Variants in AMER1 observed in about 807,000 individuals in gnomAD.
AMER1 encodes the protein RP11-403E24.2.
Under a neutral mutation model 53.0 loss-of-function variants are expected in AMER1, and 16 were observed. The ratio of observed to expected loss-of-function variants is 0.30; its 90% CI spans 0.20 to 0.46. The LOEUF is 0.46. Ranked by LOEUF, AMER1 falls within the 20% of genes least tolerant of loss-of-function variation. AMER1 has a pLI of 1.00. For synonymous variants in AMER1, 354 were observed against 331.9 expected (o/e 1.07, Z -0.73); for missense variants, 947 against 884.9 (o/e 1.07, Z -0.89).
At position 64,190,332 on chromosome X, in the gene AMER1, G is replaced by A. The variant is rs1443935705; in HGVS notation, c.2955C>T (p.Ser985=). ...AGGTTGCCTGCCTATATGGAGACTG[G>A]CTGGAAGGCCTGTCCAACTGGTTGG... ...ISPNQLDRPS[S]QSPYRQATCC... The change falls in exon 2 of 2, where the codon AGC becomes AGT. Residue 985 remains serine, a synonymous_variant. Transcript: ENST00000374869. 8.3e-7 allele frequency: 1 copy of A among 1,211,678 alleles called. No homozygotes were observed. The highest frequency in any genetic ancestry group is 2.2e-5 in the Admixed American group (1 of 46,079).
At chrX:64,198,289 C>T (rs988271083) in intron 1 of AMER1, among the ~76,000 whole-genome samples, 1 of 111,898 alleles carries the variant, frequency 8.9e-6, no homozygotes, top group Non-Finnish European at 1.9e-5. Flanking sequence ...AAATGCAAAT[C>T]AACAGATATC....
rs1930585640 is a variant in AMER1 at position 64,205,675 on chromosome X, C to G, written c.-204G>C. On this transcript the variant is annotated 5_prime_UTR_variant, in exon 1 of 2. Transcript: ENST00000374869. ...AGAGCGCCGCCACCGCAGCTGCTGC[C>G]GCCGTCGCCGCGGCTCCAGTCACCT... 2 of 112,159 alleles carry G rather than the reference C, an allele frequency of 1.8e-5. No homozygotes were observed. The highest frequency in any genetic ancestry group is 3.8e-5 in the Non-Finnish European group (2 of 53,333). 9.2% of individuals were successfully genotyped at this position (112,159 alleles called of 1,213,427 possible). A position where few individuals can be genotyped will look rare whatever the true frequency, so the allele number is the denominator to read the frequency against.
In AMER1 at chrX:64,186,555, T is replaced by A; in HGVS notation, c.*3324A>T. On this transcript the variant is annotated 3_prime_UTR_variant, in exon 2 of 2. Coordinates refer to ENST00000374869, the MANE Select transcript of AMER1 (RefSeq NM_152424.4). The stretch of plus-strand genomic sequence containing the variant: ...GCCTGGGGGCTGAGGGCAGGTGGGG[T>A]GGTGGCACTGGCACAGGTAAGGAAA... 1 of 777,692 alleles carries A rather than the reference T, an allele frequency of 1.3e-6. No homozygotes were observed. The highest frequency in any genetic ancestry group is 1.5e-6 in the Non-Finnish European group (1 of 653,845). The allele number at this position is 777,692 out of a possible 1,213,427, so 64.1% of individuals were successfully genotyped here. A position where few individuals can be genotyped will look rare whatever the true frequency, so the allele number is the denominator to read the frequency against.
chrX:64,186,772 G>A lies in AMER1; in HGVS notation c.*3107C>T. ...GGCTTGAACTGGGCCCCAAGGCAGT[G>A]CTTCCTTGGAGACTCTAAAGCACCA... On this transcript the variant is annotated 3_prime_UTR_variant, in exon 2 of 2. Coordinates refer to ENST00000374869, the MANE Select transcript of AMER1 (RefSeq NM_152424.4). The A allele has an allele frequency of 2.6e-6, 2 of 774,989 alleles. No individual in the cohort carries two copies. The highest frequency in any genetic ancestry group is 1.5e-6 in the Non-Finnish European group (1 of 651,248). The allele number at this position is 774,989 out of a possible 1,213,427, so 63.9% of individuals were successfully genotyped here.
At position 64,193,395 on chromosome X, in the gene AMER1, T is replaced by C; in HGVS notation, c.-98-11A>G. The C allele has an allele frequency of 1.8e-6, 2 of 1,109,987 alleles. No individual in the cohort carries two copies. Among genetic ancestry groups the C allele is most frequent in the East Asian group, 3.0e-5 (1 of 32,914 alleles). The allele number at this position is 1,109,987 out of a possible 1,213,427, so 91.5% of individuals were successfully genotyped here. On this transcript the variant is annotated splice_polypyrimidine_tract_variant and intron_variant, in intron 1 of 1. Transcript: ENST00000374869. ...GCATCACAGTGGGGTCTGGAGGAGA[T>C]AGGAGAGACAAAGACAGAGAGACAG...
Position 64,189,627 on chromosome X carries a change from G to C in AMER1, c.*252C>G. The C allele has an allele frequency of 1.0e-6, 1 of 965,278 alleles. No homozygotes were observed. The highest frequency in any genetic ancestry group is 1.3e-6 in the Non-Finnish European group (1 of 773,338). The allele number at this position is 965,278 out of a possible 1,213,427, so 79.5% of individuals were successfully genotyped here. A position where few individuals can be genotyped will look rare whatever the true frequency, so the allele number is the denominator to read the frequency against. ...CCAAACCCAGCGTGGGTCACAAGAAGAAACCTCGAAAGCAAAAACTGGAGT... is the reference window on the plus strand; with the variant it reads ...CCAAACCCAGCGTGGGTCACAAGAACAAACCTCGAAAGCAAAAACTGGAGT... On this transcript the variant is annotated 3_prime_UTR_variant, in exon 2 of 2. Transcript: ENST00000374869.
In AMER1 at chrX:64,186,930, A is replaced by T; in HGVS notation, c.*2949T>A. 1.3e-6 allele frequency: 1 copy of T among 774,572 alleles called. No homozygotes were observed. Among genetic ancestry groups the T allele is most frequent in the Non-Finnish European group, 1.5e-6 (1 of 650,903 alleles). The allele number at this position is 774,572 out of a possible 1,213,427, so 63.8% of individuals were successfully genotyped here. On this transcript the variant is annotated 3_prime_UTR_variant, in exon 2 of 2. Coordinates refer to ENST00000374869, the MANE Select transcript of AMER1 (RefSeq NM_152424.4). Reference sequence around the variant, plus strand: ...CTGTCTGGCACTAGGCCTATTGGGTAATAAGATGAAGGCAGCTACTTCCAC... The same window carrying T: ...CTGTCTGGCACTAGGCCTATTGGGTTATAAGATGAAGGCAGCTACTTCCAC...
rs1341304241 is a variant in AMER1 at position 64,187,312 on chromosome X, T to A, written c.*2567A>T. The A allele has an allele frequency of 5.1e-6, 4 of 789,166 alleles. No homozygotes were observed. Among genetic ancestry groups the A allele is most frequent in the African/African-American group, 2.2e-5 (1 of 44,794 alleles). 65.0% of individuals were successfully genotyped at this position (789,166 alleles called of 1,213,427 possible). A position where few individuals can be genotyped will look rare whatever the true frequency, so the allele number is the denominator to read the frequency against. Reference sequence around the variant, plus strand: ...ATCCTGGCTGCCCCACTTCAGGTGGTAAGGATCCTATTCCTGGGCTGGCTA... The same window carrying A: ...ATCCTGGCTGCCCCACTTCAGGTGGAAAGGATCCTATTCCTGGGCTGGCTA... On this transcript the variant is annotated 3_prime_UTR_variant, in exon 2 of 2. Coordinates refer to ENST00000374869, the MANE Select transcript of AMER1 (RefSeq NM_152424.4).
At chrX:64,194,755 A>G (rs1569192978) in intron 1 of AMER1, among the ~76,000 whole-genome samples, 1 of 111,028 alleles carries the variant, frequency 9.0e-6, no homozygotes, top group Non-Finnish European at 1.9e-5. Context: ...TAATAATAAG[A>G]CTCACACATT....
chrX:64,189,792 A>ATCGGGGGGGGG lies in AMER1; in HGVS notation c.*86_*87insCCCCCCCCCGA. 1.3e-6 allele frequency: 1 copy of ATCGGGGGGGGG among 746,979 alleles called. No individual in the cohort carries two copies. The highest frequency in any genetic ancestry group is 1.7e-6 in the Non-Finnish European group (1 of 590,434). 61.6% of individuals were successfully genotyped at this position (746,979 alleles called of 1,213,427 possible). A position where few individuals can be genotyped will look rare whatever the true frequency, so the allele number is the denominator to read the frequency against. ...CCAAAGGGTTTTCAAGTTAAACAAC[A>ATCGGGGGGGGG]ACCCCCACCCCCCCACCCTTCTGCC... is the stretch of plus-strand genomic sequence containing the variant. On this transcript the variant is annotated 3_prime_UTR_variant, in exon 2 of 2. Coordinates refer to ENST00000374869, the MANE Select transcript of AMER1 (RefSeq NM_152424.4).
Position 64,187,774 on chromosome X carries a change from GT to G in AMER1, c.*2104del. ...GCCCCACCATCCCAGAGCAGCTTTG[GT>G]AAGAGGCCAGAAAGTTGGAATTTGG... On this transcript the variant is annotated 3_prime_UTR_variant, in exon 2 of 2. Coordinates refer to ENST00000374869, the MANE Select transcript of AMER1 (RefSeq NM_152424.4). 3.9e-6 allele frequency: 3 copies of G among 776,617 alleles called. No individual in the cohort carries two copies. Among genetic ancestry groups the G allele is most frequent in the Non-Finnish European group, 3.1e-6 (2 of 652,111 alleles). The allele number at this position is 776,617 out of a possible 1,213,427, so 64.0% of individuals were successfully genotyped here. A position where few individuals can be genotyped will look rare whatever the true frequency, so the allele number is the denominator to read the frequency against.
In AMER1 at chrX:64,190,394, G is replaced by T. The variant is rs376943508; in HGVS notation, c.2893C>A (p.Pro965Thr). 5.4e-5 allele frequency: 65 copies of T among 1,210,405 alleles called. No homozygotes were observed. The highest frequency in any genetic ancestry group is 7.1e-5 in the Non-Finnish European group (64 of 895,128). ...GCAGGACCTGGCCCCACTGGAAGAG[G>T]ACAGGGAGCCCAAGCAGGCCAATCA... ...AYDWPAWAPC[P>T]LPVGPGPAWI... The change falls in exon 2 of 2, where the codon CCT (proline) becomes ACT (threonine). Residue 965 changes from proline (P) to threonine (T), a missense_variant. By Grantham distance (38) the Pro-to-Thr change is conservative. Coordinates refer to ENST00000374869, the MANE Select transcript of AMER1 (RefSeq NM_152424.4).
In AMER1 at chrX:64,186,019, A is replaced by C. The variant is rs1174086091; in HGVS notation, c.*3860T>G. ...AAGCACAAAACATAACGAGGAAAAAAAATAAGACACATGAGTACTCTCAGA... is the reference window on the plus strand; with the variant it reads ...AAGCACAAAACATAACGAGGAAAAACAATAAGACACATGAGTACTCTCAGA... On this transcript the variant is annotated 3_prime_UTR_variant, in exon 2 of 2. Coordinates refer to ENST00000374869, the MANE Select transcript of AMER1 (RefSeq NM_152424.4). 5.0e-6 allele frequency: 4 copies of C among 799,708 alleles called. No individual in the cohort carries two copies. Among genetic ancestry groups the C allele is most frequent in the Non-Finnish European group, 5.3e-6 (3 of 562,784 alleles). 65.9% of individuals were successfully genotyped at this position (799,708 alleles called of 1,213,427 possible).
At chrX:64,203,860 G>A (rs2086113480) in intron 1 of AMER1, among the ~76,000 whole-genome samples, 1 of 111,544 alleles carries the variant, frequency 9.0e-6, no homozygotes, top group Non-Finnish European at 1.9e-5. Context: ...TTTGTGTTGG[G>A]GCCTAATCAA....
Position 64,192,011 on chromosome X carries a change from GGTA to G in AMER1, c.1273_1275del (p.Tyr425del), listed in dbSNP as rs767111732. On this transcript the variant is annotated inframe_deletion, in exon 2 of 2. Transcript: ENST00000374869. ...TGGTGGCCTGGGGATGTGGTGGGAT[GGTA>G]GCCCAGGTTCATATTGGGCCGTGGA... 8.3e-7 allele frequency: 1 copy of G among 1,210,365 alleles called. No individual in the cohort carries two copies. The highest frequency in any genetic ancestry group is 1.7e-5 in the African/African-American group (1 of 57,263).
At chrX:64,202,085 G>A (rs1930498829) in intron 1 of AMER1, among the ~76,000 whole-genome samples, 1 of 112,156 alleles carries the variant, frequency 8.9e-6, no homozygotes, top group African/African-American at 3.2e-5. Context: ...TGATCCACCC[G>A]GCTAGGCCTC....
At position 64,189,792 on chromosome X, in the gene AMER1, A is replaced by AGGGGGGGGGGC; in HGVS notation, c.*86_*87insGCCCCCCCCCC. ...CCAAAGGGTTTTCAAGTTAAACAAC[A>AGGGGGGGGGGC]ACCCCCACCCCCCCACCCTTCTGCC... On this transcript the variant is annotated 3_prime_UTR_variant, in exon 2 of 2. Coordinates refer to ENST00000374869, the MANE Select transcript of AMER1 (RefSeq NM_152424.4). 1.3e-6 allele frequency: 1 copy of AGGGGGGGGGGC among 746,974 alleles called. No individual in the cohort carries two copies. Among genetic ancestry groups the AGGGGGGGGGGC allele is most frequent in the African/African-American group, 2.6e-5 (1 of 39,005 alleles). The allele number at this position is 746,974 out of a possible 1,213,427, so 61.6% of individuals were successfully genotyped here.
chrX:64,185,362 T>C lies in AMER1; in HGVS notation c.*4517A>G, dbSNP rs1171919506. 2 of 168,047 alleles carry C rather than the reference T, an allele frequency of 1.2e-5. No homozygotes were observed. Among genetic ancestry groups the C allele is most frequent in the Non-Finnish European group, 2.3e-5 (2 of 87,925 alleles). The allele number at this position is 168,047 out of a possible 1,213,427, so 13.8% of individuals were successfully genotyped here. The stretch of plus-strand genomic sequence containing the variant: ...AACTCTTACACCTGGGGTGATGATG[T>C]ACTGCAGTTCCTAATTTCTTCCCTC... On this transcript the variant is annotated 3_prime_UTR_variant, in exon 2 of 2. Transcript: ENST00000374869.
chrX:64,190,459 T>C lies in AMER1; in HGVS notation c.2828A>G (p.Asp943Gly), dbSNP rs201073415. The change falls in exon 2 of 2, where the codon GAC becomes GGC. Residue 943 changes from aspartate (D) to glycine (G), a missense_variant. Transcript: ENST00000374869. ...EEEEEGEWSRDSPLSLYTEPP... is the reference protein window; with the variant it reads ...EEEEEGEWSRGSPLSLYTEPP... ...TTCAGTATAGAGGGAAAGGGGACTG[T>C]CTCGGCTCCATTCTCCTTCTTCCTC... 5 of 1,211,867 alleles carry C rather than the reference T, an allele frequency of 4.1e-6. No homozygotes were observed. The highest frequency in any genetic ancestry group is 5.6e-6 in the Non-Finnish European group (5 of 895,515).
Sources: allele counts gnomAD v4.1 joint callset (sites outside exome capture counted in the v4.1 genomes callset), GRCh38; gene constraint gnomAD v4.1.1; transcripts MANE v1.5; gene names NCBI Gene and HGNC (gene_info 2026-07-23, HGNC 2026-07-21).